The following MAST4 variants were observed in gnomAD, a reference collection of about 807,000 sequenced individuals.
MAST4 encodes microtubule-associated serine/threonine-protein kinase 4.
A neutral mutation model predicts 162.7 loss-of-function variants in MAST4; 89 were observed. That is an observed-to-expected ratio of 0.55 (90% CI 0.46 to 0.65). The LOEUF is 0.65. Among genes scored for constraint, MAST4 ranks in the 30% least tolerant of loss-of-function variants. MAST4 has a pLI of 0.00. For missense variants in MAST4, 3,153 were observed against 3,374.0 expected, an observed-to-expected ratio of 0.93 and a Z score of 1.62; for synonymous variants, 1,479 against 1,361.1, an observed-to-expected ratio of 1.09 and a Z score of -1.91.
At chr5:67,003,233 C>T (rs1751490797) in intron 4 of MAST4, among the ~76,000 whole-genome samples, 1 of 152,006 alleles carries the variant, frequency 6.6e-6, no homozygotes, top group Non-Finnish European at 1.5e-5. Context: ...GATAAAGTCC[C>T]AAATGTAAAA....
chr5:66,958,121 T>C (rs184717389), intron 4 of MAST4, among the ~76,000 whole-genome samples: 6 of 151,628 alleles, frequency 4.0e-5, no homozygotes, highest in Admixed American at 1.3e-4. Context: ...CTCTCTCTCT[T>C]TGTGTGTGTG....
chr5:66,661,560 A>G (rs879723453), intron 1 of MAST4, among the ~76,000 whole-genome samples: 14 of 152,298 alleles, frequency 9.2e-5, no homozygotes, highest in African/African-American at 2.9e-4. Flanking sequence ...AATGAGAAAG[A>G]AAAGGAGGAT....
At chr5:66,751,897 A>C (rs879264629) in intron 1 of MAST4, among the ~76,000 whole-genome samples, 5 of 150,132 alleles carry the variant, frequency 3.3e-5, no homozygotes, top group Non-Finnish European at 5.9e-5. Context: ...CCAGAGAGAA[A>C]GGTCGGGTTA....
chr5:66,936,082 G>A (rs1314033832), intron 4 of MAST4, among the ~76,000 whole-genome samples: 1 of 152,160 alleles, frequency 6.6e-6, no homozygotes, highest in African/African-American at 2.4e-5. Flanking sequence ...AACTGACAGA[G>A]GATCCAAACT....
intron 1 of MAST4, among the ~76,000 whole-genome samples, chr5:66,670,293 A>G (rs745842197): frequency 2.6e-5 from 4 of 152,204 alleles, no homozygotes; most frequent in Non-Finnish European, 5.9e-5. Flanking sequence ...GGTGGTACAA[A>G]TAACCACTCC....
intron 5 of MAST4, among the ~76,000 whole-genome samples, chr5:67,057,202 A>G (rs1239238015): frequency 6.6e-6 from 1 of 152,168 alleles, no homozygotes; most frequent in Non-Finnish European, 1.5e-5. Context: ...CCTCTTCACC[A>G]GCCATGCCTT....
At chr5:66,938,855 G>A (rs967209013) in intron 4 of MAST4, among the ~76,000 whole-genome samples, 3 of 152,136 alleles carry the variant, frequency 2.0e-5, no homozygotes, top group African/African-American at 4.8e-5. Flanking sequence ...GCAGGTTGGG[G>A]AAATTAGTAA....
chr5:67,029,300 G>A lies in MAST4; in HGVS notation c.675-25104G>A, dbSNP rs191806986. Among the ~76,000 whole-genome samples, 338 of 152,266 alleles carry A rather than the reference G, an allele frequency of 2.2e-3. 4 individuals are homozygous for A. The highest frequency in any genetic ancestry group is 0.012 in the South Asian group (59 of 4,824). On this transcript the variant is annotated intron_variant, in intron 4 of 28. Transcript: ENST00000403625. ...TCCCAAGAGAAATGGAGGTGGGGAT[G>A]GGGAGACAATTTGTACATGATTTTA... is the stretch of plus-strand genomic sequence containing the variant.
intron 10 of MAST4, among the ~76,000 whole-genome samples, chr5:67,107,794 T>C (rs1434498885): frequency 2.0e-5 from 3 of 152,230 alleles, no homozygotes; most frequent in African/African-American, 4.8e-5. Context: ...CTTTTATGTC[T>C]CCATTCTTTT....
intron 1 of MAST4, among the ~76,000 whole-genome samples, chr5:66,697,347 A>G (rs949092005): frequency 2.0e-5 from 3 of 152,366 alleles, no homozygotes; most frequent in Non-Finnish European, 4.4e-5. Context: ...TGGATAAAAG[A>G]TCCATTCAAA....
At chr5:66,926,948 C>T (rs1764950966) in intron 4 of MAST4, among the ~76,000 whole-genome samples, 1 of 152,080 alleles carries the variant, frequency 6.6e-6, no homozygotes, top group South Asian at 2.1e-4. Flanking sequence ...CCAGAGCCTT[C>T]AGCTATGTTT....
In MAST4 at chr5:67,164,216, A is replaced by T; in HGVS notation, c.5037A>T (p.Leu1679Phe). 1 of 1,613,654 alleles carries T rather than the reference A, an allele frequency of 6.2e-7. No homozygotes were observed. Among genetic ancestry groups the T allele is most frequent in the Non-Finnish European group, 8.5e-7 (1 of 1,179,762 alleles). Residue 1679 changes from leucine (L) to phenylalanine (F), a missense_variant, in exon 29 of 29, where the codon TTA becomes TTT. Leu to Phe is a conservative substitution (Grantham distance 22). Coordinates refer to ENST00000403625, the MANE Select transcript of MAST4 (RefSeq NM_001164664.2). The surrounding 1 kb of genome is among the most constrained non-coding windows in gnomAD (Gnocchi z 5.3). Reference sequence around the variant, plus strand: ...AGGAGCTTCTCCGATGTGAAAAGTTAGACAGCAAGCTGGCCAACATCGATT... The same window carrying T: ...AGGAGCTTCTCCGATGTGAAAAGTTTGACAGCAAGCTGGCCAACATCGATT... Reference protein sequence around the residue: ...QAKELLRCEKLDSKLANIDYL... With the variant: ...QAKELLRCEKFDSKLANIDYL...
chr5:66,964,300 A>G (rs16896062), intron 4 of MAST4, among the ~76,000 whole-genome samples: 34,571 of 152,102 alleles, frequency 0.23, 3,933 homozygotes, highest in Middle Eastern at 0.25. Context: ...TCTGTTTGTT[A>G]GAGAAATATC....
In MAST4 at chr5:66,786,921, G is replaced by A. The variant is rs147776020; in HGVS notation, c.518-1749G>A. On this transcript the variant is annotated intron_variant, in intron 2 of 28. Transcript: ENST00000403625. ...AAAAATCAATCTATTATGTAGGGTT[G>A]GCAGGAAGCAGGTGACAAAAATCAG... 5.7e-3 allele frequency among the ~76,000 whole-genome samples: 864 copies of A among 152,180 alleles called. 9 individuals are homozygous for A. In the South Asian group the frequency reaches 0.057, roughly 10 times the overall value.
intron 3 of MAST4, among the ~76,000 whole-genome samples, chr5:66,836,474 A>G (rs924549343): frequency 6.6e-6 from 1 of 152,140 alleles, no homozygotes; most frequent in African/African-American, 2.4e-5. Context: ...AAATTGTTCT[A>G]TTATGAAACA....
intron 2 of MAST4, among the ~76,000 whole-genome samples, chr5:66,778,803 T>C (rs1754719181): frequency 6.6e-6 from 1 of 152,210 alleles, no homozygotes; most frequent in African/African-American, 2.4e-5. Context: ...CAGTGGCAGC[T>C]TGAGTTTCTG....
rs375073561 is a variant in MAST4 at position 67,145,260 on chromosome 5, C to T, written c.2975C>T (p.Ser992Phe). The change falls in exon 23 of 29, where the codon TCC becomes TTC. Residue 992 changes from serine (S) to phenylalanine (F), a missense_variant. Transcript: ENST00000403625. Reference protein sequence around the residue: ...STEGEQDEAASCPGDPHEEPG... With the variant: ...STEGEQDEAAFCPGDPHEEPG... ...GAGGGAGAGCAAGATGAAGCTGCCTCCTGCCCTGGAGACCCCCATGAGGAG... is the reference window on the plus strand; with the variant it reads ...GAGGGAGAGCAAGATGAAGCTGCCTTCTGCCCTGGAGACCCCCATGAGGAG... 8 of 1,613,836 alleles carry T rather than the reference C, an allele frequency of 5.0e-6. No individual in the cohort carries two copies. Among genetic ancestry groups the T allele is most frequent in the South Asian group, 1.1e-5 (1 of 91,064 alleles).
chr5:66,939,793 A>G (rs1561463078), intron 4 of MAST4, among the ~76,000 whole-genome samples: 9 of 152,110 alleles, frequency 5.9e-5, no homozygotes, highest in African/African-American at 2.2e-4. Flanking sequence ...CTGCAATAAA[A>G]CAAATATCAC....
intron 3 of MAST4, among the ~76,000 whole-genome samples, chr5:66,809,938 T>C (rs1756397035): frequency 1.3e-5 from 2 of 152,178 alleles, no homozygotes; most frequent in Non-Finnish European, 2.9e-5. Context: ...GTATACACAG[T>C]TTGAGACTTG....
Sources: allele counts gnomAD v4.1 joint callset (sites outside exome capture counted in the v4.1 genomes callset), GRCh38; gene constraint gnomAD v4.1.1; non-coding constraint Gnocchi (gnomAD v3.1); transcripts MANE v1.5; gene names NCBI Gene and HGNC (gene_info 2026-07-23, HGNC 2026-07-21).